Variants in GRIK4 observed in about 807,000 individuals in gnomAD.
GRIK4 encodes glutamate receptor ionotropic, kainate 4.
In GRIK4, 40 loss-of-function variants were observed where a neutral mutation model predicts 104.9. That is an observed-to-expected ratio of 0.38 (90% confidence interval 0.30 to 0.50). The LOEUF is 0.50. GRIK4 is among the 20% of genes least tolerant of loss of function. The probability of loss-of-function intolerance (pLI) is 0.93; values close to 1 mark genes in which losing one functional copy is unlikely to be tolerated. For missense variants in GRIK4, 1,047 were observed against 1,308.1 expected (o/e 0.80, Z 3.08); for synonymous variants, 485 against 524.9 (o/e 0.92, Z 1.04).
chr11:120,820,570 T>A (rs1953092535), intron 6 of GRIK4, among the ~76,000 whole-genome samples: 3 of 152,222 alleles, frequency 2.0e-5, no homozygotes, highest in Non-Finnish European at 2.9e-5. Flanking sequence ...ATCTGTGTGC[T>A]CCCGGCGGCA....
intron 4 of GRIK4, among the ~76,000 whole-genome samples, chr11:120,805,788 A>T (rs1952699278): frequency 6.6e-6 from 1 of 152,048 alleles, no homozygotes; most frequent in African/African-American, 2.4e-5. Context: ...AGCGCCTACC[A>T]CCTGTTGGCT....
At chr11:120,763,136 T>A (rs1951777590) in intron 3 of GRIK4, among the ~76,000 whole-genome samples, 1 of 152,222 alleles carries the variant, frequency 6.6e-6, no homozygotes, top group Non-Finnish European at 1.5e-5. Flanking sequence ...GTTATTGGTC[T>A]ATTCAGGAAT....
At chr11:120,736,953 A>G (rs1226241833) in intron 3 of GRIK4, among the ~76,000 whole-genome samples, 4 of 152,200 alleles carry the variant, frequency 2.6e-5, no homozygotes, top group Admixed American at 2.6e-4. Context: ...GATGTACAAT[A>G]TAAGCCTGGA....
At chr11:120,563,861 G>T (rs1167555373) in intron 1 of GRIK4, among the ~76,000 whole-genome samples, 1 of 152,184 alleles carries the variant, frequency 6.6e-6, no homozygotes, top group Non-Finnish European at 1.5e-5. Flanking sequence ...CCCACACCTG[G>T]GGTCGGTTGT....
intron 3 of GRIK4, among the ~76,000 whole-genome samples, chr11:120,684,192 G>T (rs1454207986): frequency 6.6e-6 from 1 of 152,126 alleles, no homozygotes; most frequent in East Asian, 1.9e-4. Flanking sequence ...GCGTAATGGT[G>T]CATGCTTGTA....
chr11:120,696,121 A>G (rs536315758), intron 3 of GRIK4, among the ~76,000 whole-genome samples: 2 of 152,310 alleles, frequency 1.3e-5, no homozygotes, highest in African/African-American at 4.8e-5. Context: ...CACTTGTCCT[A>G]TAAATGACAA....
chr11:120,848,505 C>T (rs1413004920), intron 8 of GRIK4, among the ~76,000 whole-genome samples: 1 of 152,084 alleles, frequency 6.6e-6, no homozygotes, highest in African/African-American at 2.4e-5. Context: ...AGAAGGGACC[C>T]TTCCCTTGGC....
At chr11:120,683,962 A>G (rs1950237196) in intron 3 of GRIK4, among the ~76,000 whole-genome samples, 1 of 152,226 alleles carries the variant, frequency 6.6e-6, no homozygotes, top group Admixed American at 6.5e-5. Flanking sequence ...CTTGCAAATA[A>G]GTACAGAACT....
chr11:120,941,719 T>G (rs115176653), intron 14 of GRIK4, among the ~76,000 whole-genome samples: 9,419 of 152,070 alleles, frequency 0.062, 983 homozygotes, highest in African/African-American at 0.21. Flanking sequence ...GAGTGATGCA[T>G]TTACAAGCCA....
At chr11:120,660,743 G>A (rs1244064857) in intron 3 of GRIK4, among the ~76,000 whole-genome samples, 1 of 152,216 alleles carries the variant, frequency 6.6e-6, no homozygotes, top group Non-Finnish European at 1.5e-5. Flanking sequence ...GCTGGAGATG[G>A]GAGAAGAGGT....
At chr11:120,879,937 G>A (rs1174363094) in intron 11 of GRIK4, among the ~76,000 whole-genome samples, 2 of 152,160 alleles carry the variant, frequency 1.3e-5, no homozygotes, top group Non-Finnish European at 2.9e-5. Flanking sequence ...AATATCCTTC[G>A]TTTAACTTGG....
At chr11:120,834,231 A>G (rs1953511837) in intron 7 of GRIK4, among the ~76,000 whole-genome samples, 1 of 151,514 alleles carries the variant, frequency 6.6e-6, no homozygotes. Flanking sequence ...ACCCTTGCCA[A>G]TACTGGGTAT....
At chr11:120,598,570 CTAT>C (rs1417599388) in intron 1 of GRIK4, among the ~76,000 whole-genome samples, 11 of 152,346 alleles carry the variant, frequency 7.2e-5, no homozygotes, top group African/African-American at 1.7e-4. Context: ...ATGAACTTGA[CTAT>C]TATTGATGGC....
chr11:120,986,203 C>T lies in GRIK4; in HGVS notation c.2814C>T (p.Ala938=), dbSNP rs778028890. ...GCCTGCGGGCACGGCCGTCGCCCGC[C>T]CGCAGCGAGGAGAGCCTGGAGTGGG... ...FQGLRARPSP[A]RSEESLEWEK... is the part of the protein sequence containing the mutation. Residue 938 remains alanine, a synonymous_variant, in exon 21 of 21, where the codon GCC becomes GCT. Coordinates refer to ENST00000527524, the MANE Select transcript of GRIK4 (RefSeq NM_014619.5). 163 of 1,570,550 alleles carry T rather than the reference C, an allele frequency of 1.0e-4. No homozygotes were observed. The highest frequency in any genetic ancestry group is 1.4e-4 in the Admixed American group (8 of 58,044).
intron 3 of GRIK4, among the ~76,000 whole-genome samples, chr11:120,730,777 C>T (rs1259570842): frequency 6.6e-6 from 1 of 152,052 alleles, no homozygotes; most frequent in African/African-American, 2.4e-5. Context: ...AGAGGTCTTT[C>T]ACCTCTTTAG....
intron 8 of GRIK4, among the ~76,000 whole-genome samples, chr11:120,855,319 G>A (rs1321243012): frequency 1.3e-5 from 2 of 152,190 alleles, no homozygotes; most frequent in Non-Finnish European, 2.9e-5. Context: ...GGTACTTGCT[G>A]TGACTCCTTT....
intron 1 of GRIK4, among the ~76,000 whole-genome samples, chr11:120,577,915 A>G (rs1039304894): frequency 6.6e-6 from 1 of 152,184 alleles, no homozygotes; most frequent in Non-Finnish European, 1.5e-5. Context: ...CCCCAGGACC[A>G]TAGCCACAGC....
In GRIK4 at chr11:120,986,298, CGGGAG is replaced by C. The variant is rs780730991; in HGVS notation, c.*47_*51del. ...CAGGACGCGCAGAGGCCGGGCGGGG[CGGGAG>C]GGGAGGGGCGGGGCGGGCGCTGCTG... On this transcript the variant is annotated 3_prime_UTR_variant, in exon 21 of 21. Transcript: ENST00000527524. 3 of 219,328 alleles carry C rather than the reference CGGGAG, an allele frequency of 1.4e-5. No individual in the cohort carries two copies. Among genetic ancestry groups the C allele is most frequent in the East Asian group, 1.2e-4 (1 of 8,406 alleles). 13.6% of individuals were successfully genotyped at this position (219,328 alleles called of 1,614,324 possible).
At chr11:120,620,039 A>G in intron 1 of GRIK4, 1 of 618,798 alleles carries the variant, frequency 1.6e-6, no homozygotes, top group Non-Finnish European at 3.0e-6. Flanking sequence ...CTGTGTGTAA[A>G]ATACGTGCAT....
Sources: gnomAD v4.1 joint callset for allele counts (sites outside exome capture counted in the v4.1 genomes callset) on GRCh38, gnomAD v4.1.1 for gene constraint, MANE v1.5 for transcripts, NCBI Gene and HGNC (gene_info 2026-07-23, HGNC 2026-07-21) for gene names.